Variants in SLC39A11 observed in about 807,000 individuals in gnomAD.
The protein encoded by SLC39A11 is zinc transporter ZIP11.
Under a neutral mutation model 36.1 loss-of-function variants are expected in SLC39A11, and 33 were observed. The observed-to-expected ratio is 0.91, with a 90% CI of 0.69 to 1.22. SLC39A11 has a LOEUF of 1.22. SLC39A11 is among the 50% of genes most tolerant of loss of function. SLC39A11 has a pLI of 0.00. For synonymous variants in SLC39A11, 166 were observed against 170.3 expected (o/e 0.97, Z 0.20); for missense variants, 432 against 430.3 (o/e 1.00, Z -0.03).
chr17:73,032,046 T>C (rs1478843832), intron 3 of SLC39A11, among the ~76,000 whole-genome samples: 3 of 152,168 alleles, frequency 2.0e-5, no homozygotes, highest in Non-Finnish European at 2.9e-5. Flanking sequence ...GAGACATTTT[T>C]AGCTGTCACA....
At chr17:72,770,403 T>C (rs188154160) in intron 6 of SLC39A11, among the ~76,000 whole-genome samples, 1 of 152,342 alleles carries the variant, frequency 6.6e-6, no homozygotes, top group East Asian at 1.9e-4. Flanking sequence ...CTGATGGTTG[T>C]AGGCCCATTC....
intron 5 of SLC39A11, among the ~76,000 whole-genome samples, chr17:72,853,599 C>T (rs770725451): frequency 4.6e-5 from 7 of 152,036 alleles, no homozygotes; most frequent in African/African-American, 1.7e-4. Flanking sequence ...TAAAAATGCA[C>T]GCCTGGCCCC....
intron 6 of SLC39A11, among the ~76,000 whole-genome samples, chr17:72,748,725 C>T (rs2075040900): frequency 6.6e-6 from 1 of 152,202 alleles, no homozygotes; most frequent in African/African-American, 2.4e-5. Flanking sequence ...CTCTGTGTTT[C>T]CTCAGAGAAA....
At chr17:72,854,643 A>G (rs1312748846) in intron 5 of SLC39A11, among the ~76,000 whole-genome samples, 1 of 152,156 alleles carries the variant, frequency 6.6e-6, no homozygotes, top group African/African-American at 2.4e-5. Flanking sequence ...CTTTGTTGTT[A>G]GGAAAAAAAA....
intron 7 of SLC39A11, among the ~76,000 whole-genome samples, chr17:72,718,528 T>A (rs1304587586): frequency 6.6e-6 from 1 of 151,704 alleles, no homozygotes; most frequent in Non-Finnish European, 1.5e-5. Context: ...CACAACTGAG[T>A]TGACCCCATT....
At chr17:72,947,227 T>C (rs1355349430) in intron 5 of SLC39A11, among the ~76,000 whole-genome samples, 2 of 150,824 alleles carry the variant, frequency 1.3e-5, no homozygotes, top group Non-Finnish European at 2.9e-5. Flanking sequence ...GGCAGGAGAA[T>C]CCCTTGAACC....
intron 5 of SLC39A11, among the ~76,000 whole-genome samples, chr17:72,937,221 G>A (rs1255480089): frequency 1.3e-4 from 20 of 152,194 alleles, no homozygotes; most frequent in Middle Eastern, 3.4e-3. Context: ...CGGGTGGATC[G>A]CCTGAGCTCA....
At chr17:72,802,601 A>AG (rs2077125409) in intron 6 of SLC39A11, among the ~76,000 whole-genome samples, 1 of 150,992 alleles carries the variant, frequency 6.6e-6, no homozygotes, top group African/African-American at 2.5e-5. Context: ...AAAAAAAAAA[A>AG]AAAAGAAAAG....
rs1220478945 is a variant in SLC39A11 at position 72,646,824 on chromosome 17, A to G, written c.*760T>C. 1.3e-5 allele frequency: 2 copies of G among 152,452 alleles called. No homozygotes were observed. The highest frequency in any genetic ancestry group is 4.8e-5 in the African/African-American group (2 of 41,410). 9.4% of individuals were successfully genotyped at this position (152,452 alleles called of 1,614,324 possible). On this transcript the variant is annotated 3_prime_UTR_variant, in exon 10 of 10. Coordinates refer to ENST00000255559, the MANE Select transcript of SLC39A11 (RefSeq NM_139177.4). ...CGCGACAAATGGCCTTGCTCCTGGA[A>G]TCCATTGACAGCAGAGGCCTCCGAA...
At chr17:72,707,754 C>T (rs780533394) in intron 7 of SLC39A11, among the ~76,000 whole-genome samples, 8 of 152,112 alleles carry the variant, frequency 5.3e-5, no homozygotes, top group Non-Finnish European at 1.0e-4. Flanking sequence ...AAAGAGAAAA[C>T]GGTTAGGAAG....
chr17:72,845,107 T>C (rs1347454453), intron 6 of SLC39A11, among the ~76,000 whole-genome samples: 1 of 152,234 alleles, frequency 6.6e-6, no homozygotes, highest in Non-Finnish European at 1.5e-5. Context: ...GGCCTCTACA[T>C]AGGCCTCCCT....
chr17:72,652,109 T>A (rs1237190541), intron 7 of SLC39A11, among the ~76,000 whole-genome samples: 1 of 152,210 alleles, frequency 6.6e-6, no homozygotes, highest in East Asian at 1.9e-4. Flanking sequence ...GGTGCAAAAG[T>A]GGCTATGGAC....
At chr17:72,976,417 C>G (rs1037734133) in intron 4 of SLC39A11, among the ~76,000 whole-genome samples, 4 of 151,986 alleles carry the variant, frequency 2.6e-5, no homozygotes, top group African/African-American at 9.7e-5. Flanking sequence ...TCACACTCAC[C>G]CTCCATTCCA....
intron 6 of SLC39A11, among the ~76,000 whole-genome samples, chr17:72,830,672 T>C (rs2078243854): frequency 6.6e-6 from 1 of 152,118 alleles, no homozygotes; most frequent in Admixed American, 6.5e-5. Flanking sequence ...CTTTTAGGAC[T>C]AAACAAATCA....
intron 5 of SLC39A11, among the ~76,000 whole-genome samples, chr17:72,873,576 G>A (rs901920285): frequency 1.3e-5 from 2 of 152,188 alleles, no homozygotes; most frequent in Admixed American, 1.3e-4. Context: ...AGAATGAAGA[G>A]AGCTGATGGA....
In SLC39A11 at chr17:72,679,157, G is replaced by A. The variant is rs1321029828; in HGVS notation, c.672-29889C>T. Among the ~76,000 whole-genome samples, 6 of 152,168 alleles carry A rather than the reference G, an allele frequency of 3.9e-5. No individual in the cohort carries two copies. The East Asian group carries it at 7.7e-4, about 20-fold the overall frequency. On this transcript the variant is annotated intron_variant, in intron 7 of 9. Transcript: ENST00000255559. ...AGAGTGATCAAGAGGTGGGTTAAGG[G>A]GTACAGTAAGAATACAGTAAGATGG... is the stretch of plus-strand genomic sequence containing the variant.
chr17:73,040,634 T>C (rs981761712), intron 3 of SLC39A11, among the ~76,000 whole-genome samples: 3 of 152,172 alleles, frequency 2.0e-5, no homozygotes, highest in African/African-American at 7.2e-5. Flanking sequence ...TGTATTATTT[T>C]TGCAACATTT....
chr17:72,889,335 T>G (rs994472795), intron 5 of SLC39A11, among the ~76,000 whole-genome samples: 1 of 152,062 alleles, frequency 6.6e-6, no homozygotes, highest in Non-Finnish European at 1.5e-5. Context: ...GCCAACATGG[T>G]GAAACCCCAT....
At chr17:72,781,176 T>C (rs2076304689) in intron 6 of SLC39A11, among the ~76,000 whole-genome samples, 1 of 152,132 alleles carries the variant, frequency 6.6e-6, no homozygotes, top group South Asian at 2.1e-4. Context: ...ATAAGTTCCA[T>C]GAGAAAACCT....
Sources: gnomAD v4.1 joint callset for allele counts (sites outside exome capture counted in the v4.1 genomes callset) on GRCh38, gnomAD v4.1.1 for gene constraint, MANE v1.5 for transcripts, NCBI Gene and HGNC (gene_info 2026-07-23, HGNC 2026-07-21) for gene names.